CTNNA3: variants seen among roughly 807,000 people sequenced by gnomAD.
The protein encoded by CTNNA3 is catenin alpha 3.
Under a neutral mutation model 95.7 loss-of-function variants are expected in CTNNA3, and 76 were observed. The observed-to-expected ratio is 0.79, with a 90% CI of 0.66 to 0.96. CTNNA3 has a LOEUF of 0.96. CTNNA3 is among the 40% of genes least tolerant of loss of function. The pLI is 0.00. For missense variants in CTNNA3, 1,191 were observed against 1,089.8 expected (o/e 1.09, Z -1.31); for synonymous variants, 431 against 374.4 (o/e 1.15, Z -1.74).
chr10:66,063,342 C>A (rs147048356), intron 15 of CTNNA3, among the ~76,000 whole-genome samples: 2 of 148,078 alleles, frequency 1.4e-5, no homozygotes, highest in Non-Finnish European at 3.0e-5. Context: ...TATTCCTAGT[C>A]GATTACCTTT....
At chr10:67,390,383 C>T (rs9733387) in intron 5 of CTNNA3, among the ~76,000 whole-genome samples, 16,990 of 152,040 alleles carry the variant, frequency 0.11, 1,830 homozygotes, top group African/African-American at 0.28. Context: ...AATAGACCAA[C>T]AACAGGATCT....
At chr10:66,411,629 G>A (rs1372854664) in intron 11 of CTNNA3, among the ~76,000 whole-genome samples, 1 of 152,072 alleles carries the variant, frequency 6.6e-6, no homozygotes, top group African/African-American at 2.4e-5. Flanking sequence ...TCCTAAGCAA[G>A]AGAGTCTACA....
chr10:66,554,494 A>G (rs773427809), intron 10 of CTNNA3, among the ~76,000 whole-genome samples: 1 of 152,138 alleles, frequency 6.6e-6, no homozygotes, highest in African/African-American at 2.4e-5. Flanking sequence ...AATATGCCAG[A>G]ACTTCTCCTA....
At chr10:66,496,248 T>A (rs1840094602) in intron 11 of CTNNA3, among the ~76,000 whole-genome samples, 1 of 152,144 alleles carries the variant, frequency 6.6e-6, no homozygotes, top group African/African-American at 2.4e-5. Context: ...AATGTCAACC[T>A]TGATTTTTTA....
chr10:66,222,060 G>T (rs2131981852), intron 13 of CTNNA3, among the ~76,000 whole-genome samples: 1 of 152,184 alleles, frequency 6.6e-6, no homozygotes, highest in East Asian at 1.9e-4. Flanking sequence ...ATTAAAATTG[G>T]TTCACTTTGA....
chr10:65,981,072 A>G lies in CTNNA3; in HGVS notation c.2265+7620T>C, dbSNP rs185352133. The stretch of plus-strand genomic sequence containing the variant: ...CAAACTGTTGCTGTTTGCTGATGAT[A>G]TGATCATATATCCAGAAAACCCTAA... On this transcript the variant is annotated intron_variant, in intron 16 of 17. Transcript: ENST00000433211. 4.6e-5 allele frequency among the ~76,000 whole-genome samples: 7 copies of G among 152,200 alleles called. No homozygotes were observed. In the East Asian group the frequency reaches 1.4e-3, roughly 29 times the overall value.
chr10:65,959,296 C>G (rs1444357228), intron 17 of CTNNA3, among the ~76,000 whole-genome samples: 2 of 152,186 alleles, frequency 1.3e-5, no homozygotes, highest in East Asian at 3.9e-4. Context: ...TCTGTCACAT[C>G]TTCCCTTGGC....
intron 13 of CTNNA3, among the ~76,000 whole-genome samples, chr10:66,253,245 C>T (rs1397224387): frequency 6.6e-6 from 1 of 152,110 alleles, no homozygotes; most frequent in African/African-American, 2.4e-5. Flanking sequence ...TGTCAACACC[C>T]CTATCATTAC....
chr10:65,947,946 C>G (rs1353800709), intron 17 of CTNNA3, among the ~76,000 whole-genome samples: 2 of 152,160 alleles, frequency 1.3e-5, no homozygotes, highest in African/African-American at 4.8e-5. Context: ...CTAAAACTTG[C>G]ATGAGACAAA....
chr10:66,794,054 G>A (rs1841090849), intron 7 of CTNNA3, among the ~76,000 whole-genome samples: 2 of 152,124 alleles, frequency 1.3e-5, no homozygotes, highest in Admixed American at 1.3e-4. Flanking sequence ...TTAATACTAA[G>A]CATTTAAGAT....
intron 9 of CTNNA3, among the ~76,000 whole-genome samples, chr10:66,677,264 A>G (rs1846892019): frequency 6.6e-6 from 1 of 152,094 alleles, no homozygotes; most frequent in Non-Finnish European, 1.5e-5. Flanking sequence ...AAAAAAACAT[A>G]CACACTAAAG....
chr10:67,722,598 G>C (rs189923382), intron 1 of CTNNA3, among the ~76,000 whole-genome samples: 2 of 152,250 alleles, frequency 1.3e-5, no homozygotes, highest in Admixed American at 1.3e-4. Context: ...CCTTTACAAA[G>C]TGGAAACAAA....
At chr10:67,234,504 G>A (rs1472420588) in intron 5 of CTNNA3, among the ~76,000 whole-genome samples, 2 of 152,056 alleles carry the variant, frequency 1.3e-5, no homozygotes. Context: ...GTATTGATGG[G>A]GCGTATTTCA....
At chr10:67,558,951 G>C (rs1418064653) in intron 3 of CTNNA3, among the ~76,000 whole-genome samples, 1 of 152,206 alleles carries the variant, frequency 6.6e-6, no homozygotes, top group Non-Finnish European at 1.5e-5. Context: ...GCCCGCCATT[G>C]CCCAGGCTTG....
intron 2 of CTNNA3, among the ~76,000 whole-genome samples, chr10:67,641,442 A>C (rs1316292327): frequency 6.6e-6 from 1 of 152,252 alleles, no homozygotes; most frequent in Non-Finnish European, 1.5e-5. Flanking sequence ...TGTGGAGGTC[A>C]GTGTGGTGAT....
At chr10:66,679,312 G>A (rs954566771) in intron 9 of CTNNA3, among the ~76,000 whole-genome samples, 1 of 152,148 alleles carries the variant, frequency 6.6e-6, no homozygotes, top group Non-Finnish European at 1.5e-5. Context: ...GAGGATACTA[G>A]CTTCAGCAAT....
At chr10:67,655,772 G>A (rs1212957701) in intron 1 of CTNNA3, among the ~76,000 whole-genome samples, 3 of 132,928 alleles carry the variant, frequency 2.3e-5, no homozygotes, top group Non-Finnish European at 4.6e-5. Context: ...AACAGAGCGA[G>A]ACTCCGTCTC....
chr10:67,709,233 C>T (rs185897884), intron 1 of CTNNA3, among the ~76,000 whole-genome samples: 15 of 152,206 alleles, frequency 9.9e-5, no homozygotes, highest in African/African-American at 3.4e-4. Context: ...AAAATAAAAA[C>T]AATCTTCCTT....
intron 7 of CTNNA3, among the ~76,000 whole-genome samples, chr10:67,133,366 C>CATATATAT (rs1554928733): frequency 9.6e-5 from 12 of 124,588 alleles, no homozygotes; most frequent in African/African-American, 3.4e-4. Flanking sequence ...TACATACATA[C>CATATATAT]ATATATATAT....
Sources: allele counts gnomAD v4.1 joint callset (sites outside exome capture counted in the v4.1 genomes callset), GRCh38; gene constraint gnomAD v4.1.1; transcripts MANE v1.5; gene names NCBI Gene and HGNC (gene_info 2026-07-23, HGNC 2026-07-21).